The following INVS variants were observed in gnomAD, a reference collection of about 807,000 sequenced individuals.
INVS encodes the protein inversion of embryo turning homolog.
Under a neutral mutation model 108.8 loss-of-function variants are expected in INVS, and 86 were observed. That is an observed-to-expected ratio of 0.79 (90% CI 0.66 to 0.95). The LOEUF is 0.95. Ranked by LOEUF, INVS falls within the 40% of genes least tolerant of loss-of-function variation. The pLI is 0.00. For synonymous variants in INVS, 455 were observed against 473.5 expected (o/e 0.96, Z 0.51); for missense variants, 1,169 against 1,297.4 (o/e 0.90, Z 1.52).
chr9:100,107,692 A>G (rs759630389), intron 2 of INVS, among the ~76,000 whole-genome samples: 3 of 152,158 alleles, frequency 2.0e-5, no homozygotes, highest in Non-Finnish European at 2.9e-5. Flanking sequence ...AAATCTGTTC[A>G]TTGTATTCCC....
chr9:100,267,019 T>TAAAAAAA lies in INVS; in HGVS notation c.1571+2109_1571+2115dup, dbSNP rs11415703. 5.2e-4 allele frequency among the ~76,000 whole-genome samples: 48 copies of TAAAAAAA among 93,076 alleles called. 1 individual carries two copies. The highest frequency in any genetic ancestry group is 7.5e-4 in the Non-Finnish European group (37 of 49,438). 61.1% of individuals were successfully genotyped at this position (93,076 alleles called of 152,430 possible). A position where few individuals can be genotyped will look rare whatever the true frequency, so the allele number is the denominator to read the frequency against. Reference sequence around the variant, plus strand: ...CTGAAGATGTCTCCCTTTGAAACTCTAAAAAAAAAAAAAAAAAAAAAAAAG... The same window carrying TAAAAAAA: ...CTGAAGATGTCTCCCTTTGAAACTCTAAAAAAAAAAAAAAAAAAAAAAAAAAAAAAAG... On this transcript the variant is annotated intron_variant, in intron 11 of 16. Coordinates refer to ENST00000262457, the MANE Select transcript of INVS (RefSeq NM_014425.5).
intron 5 of INVS, among the ~76,000 whole-genome samples, chr9:100,236,081 G>A (rs1272126716): frequency 6.6e-6 from 1 of 152,008 alleles, no homozygotes; most frequent in Non-Finnish European, 1.5e-5. Context: ...CTCTAACCTT[G>A]TCTTCATGCT....
At chr9:100,210,715 A>T (rs1418075545) in intron 3 of INVS, among the ~76,000 whole-genome samples, 1 of 152,176 alleles carries the variant, frequency 6.6e-6, no homozygotes, top group African/African-American at 2.4e-5. Flanking sequence ...AAGCTTCCCC[A>T]ACTCTTAGCA....
chr9:100,160,531 C>T (rs1271538390), intron 3 of INVS, among the ~76,000 whole-genome samples: 2 of 152,150 alleles, frequency 1.3e-5, no homozygotes, highest in Non-Finnish European at 2.9e-5. Context: ...ATACATTCTC[C>T]TCATAACTCA....
intron 13 of INVS, among the ~76,000 whole-genome samples, chr9:100,290,194 TC>T (rs1833569572): frequency 6.6e-6 from 1 of 152,058 alleles, no homozygotes; most frequent in Non-Finnish European, 1.5e-5. Context: ...TGTCTCTCAC[TC>T]CCTCTTCATC....
intron 2 of INVS, chr9:100,117,365 T>A: frequency 1.3e-6 from 1 of 753,744 alleles, no homozygotes; most frequent in Non-Finnish European, 2.4e-6. Flanking sequence ...GATCTCAGAT[T>A]CATTAATGGG....
rs1457974179 is a variant in INVS, at chr9:100,185,801, G to A, written c.274-40261G>A. On this transcript the variant is annotated intron_variant, in intron 3 of 16. Transcript: ENST00000262457. ...TTCCACTTATAAGTGAGAACATACA[G>A]TATTTGATGTTCCATTCCTGAGTTG... is the stretch of plus-strand genomic sequence containing the variant. 2.0e-5 allele frequency among the ~76,000 whole-genome samples: 3 copies of A among 152,066 alleles called. No individual in the cohort carries two copies. The East Asian group carries it at 5.8e-4, about 30-fold the overall frequency.
At chr9:100,176,016 T>C (rs890970460) in intron 3 of INVS, 7 of 538,592 alleles carry the variant, frequency 1.3e-5, no homozygotes, top group Non-Finnish European at 2.2e-5. Flanking sequence ...ATAGATTTAT[T>C]CCTAAACTAT....
chr9:100,242,658 T>C lies in INVS; in HGVS notation c.885T>C (p.Tyr295=). 3 of 1,604,330 alleles carry C rather than the reference T, an allele frequency of 1.9e-6. No homozygotes were observed. Among genetic ancestry groups the C allele is most frequent in the East Asian group, 2.2e-5 (1 of 44,816 alleles). Residue 295 remains tyrosine, a synonymous_variant, in exon 7 of 17, where the codon TAT becomes TAC. Coordinates refer to ENST00000262457, the MANE Select transcript of INVS (RefSeq NM_014425.5). ...SDSQGATPLH[Y]AAQSNFAETV... is the part of the protein sequence containing the mutation. ...GCCAAGGAGCCACACCTTTGCACTA[T>C]GCTGCTCAGAGTAACTTTGCTGTAA...
At chr9:100,194,680 AC>A (rs1255860320) in intron 3 of INVS, among the ~76,000 whole-genome samples, 4 of 152,106 alleles carry the variant, frequency 2.6e-5, no homozygotes, top group African/African-American at 9.7e-5. Flanking sequence ...GTAGTATTTC[AC>A]CACTAAACAT....
chr9:100,285,924 A>T lies in INVS; in HGVS notation c.2068+1321A>T, dbSNP rs77034327. On this transcript the variant is annotated intron_variant, in intron 13 of 16. Transcript: ENST00000262457. ...GTTAGAGAACGGTAGGAGCTTTCCC[A>T]AAATCTAAGTGCAAATGCCAACACA... Among the ~76,000 whole-genome samples, 919 of 152,346 alleles carry T rather than the reference A, an allele frequency of 6.0e-3. 5 individuals carry two copies. The highest frequency in any genetic ancestry group is 0.023 in the South Asian group (110 of 4,828).
chr9:100,211,437 C>A (rs1999877), intron 3 of INVS, among the ~76,000 whole-genome samples: 77,494 of 151,994 alleles, frequency 0.51, 20,787 homozygotes, highest in African/African-American at 0.6. Flanking sequence ...GGAAGAGCAC[C>A]TGAAAAATCT....
intron 2 of INVS, among the ~76,000 whole-genome samples, chr9:100,114,280 T>C (rs1564118348): frequency 6.6e-6 from 1 of 152,072 alleles, no homozygotes. Flanking sequence ...TTCCACATAT[T>C]CCAGTCCCTG....
At chr9:100,117,492 G>A (rs1827573303) in intron 2 of INVS, 1 of 791,470 alleles carries the variant, frequency 1.3e-6, no homozygotes, top group Non-Finnish European at 2.2e-6. Flanking sequence ...CGAGCTCCAC[G>A]GCCTCAGCCC....
At chr9:100,167,029 A>G (rs1251319607) in intron 3 of INVS, among the ~76,000 whole-genome samples, 1 of 152,122 alleles carries the variant, frequency 6.6e-6, no homozygotes, top group Non-Finnish European at 1.5e-5. Flanking sequence ...TTAGGAGTTC[A>G]AGACCAGCCT....
chr9:100,289,581 G>C (rs983540225), intron 13 of INVS, among the ~76,000 whole-genome samples: 4 of 152,244 alleles, frequency 2.6e-5, no homozygotes, highest in African/African-American at 9.6e-5. Context: ...ATTTGCACAA[G>C]ATGTGGCCAA....
At chr9:100,100,747 TAC>T (rs1826856316) in intron 1 of INVS, among the ~76,000 whole-genome samples, 1 of 37,436 alleles carries the variant, frequency 2.7e-5, no homozygotes, top group African/African-American at 1.2e-4. Context: ...ATATTATATG[TAC>T]ATATAATATA....
At chr9:100,100,583 ATATATAATATATG>A (rs1332714640) in intron 1 of INVS, among the ~76,000 whole-genome samples, 10 of 100,454 alleles carry the variant, frequency 1.0e-4, no homozygotes, top group Non-Finnish European at 1.9e-4. Context: ...TATATATAAT[ATATATAATATATG>A]TACATATAAT....
chr9:100,176,200 A>G (rs745760289), intron 3 of INVS: 7 of 317,140 alleles, frequency 2.2e-5, no homozygotes, highest in Non-Finnish European at 4.3e-5. Flanking sequence ...ATGCCTATCA[A>G]GTCGATTTTG....
Sources: allele counts gnomAD v4.1 joint callset (sites outside exome capture counted in the v4.1 genomes callset), GRCh38; gene constraint gnomAD v4.1.1; transcripts MANE v1.5; gene names NCBI Gene and HGNC (gene_info 2026-07-23, HGNC 2026-07-21).